Variants in SCN1A observed in about 807,000 individuals in gnomAD.
The protein encoded by SCN1A is sodium channel protein type 1 subunit alpha.
A neutral mutation model predicts 193.7 loss-of-function variants in SCN1A; 13 were observed. The observed-to-expected ratio is 0.07, with a 90% CI of 0.04 to 0.11. The LOEUF (loss-of-function observed/expected upper bound fraction) is 0.11, where lower values mean the gene tolerates loss of function less well. SCN1A is among the 10% of genes least tolerant of loss of function. The probability of loss-of-function intolerance (pLI) is 1.00; values close to 1 mark genes in which losing one functional copy is unlikely to be tolerated. For missense variants in SCN1A, 1,432 were observed against 2,451.1 expected (o/e 0.58, Z 8.78); for synonymous variants, 781 against 843.6 (o/e 0.93, Z 1.29).
At chr2:166,067,700 C>CT (rs5836079) in intron 4 of SCN1A, among the ~76,000 whole-genome samples, 5,541 of 128,282 alleles carry the variant, frequency 0.043, 395 homozygotes, top group African/African-American at 0.14. Flanking sequence ...GAGTACATAG[C>CT]TTTTTTTTTT....
chr2:166,049,135 GC>G (rs1698233335), intron 9 of SCN1A, among the ~76,000 whole-genome samples, 186 bp from the exon 10 acceptor site: 2 of 86,900 alleles, frequency 2.3e-5, no homozygotes, highest in Non-Finnish European at 6.5e-5. Context: ...ACTTTACAGT[GC>G]AAAGTATTTC....
chr2:166,044,761 A>G (rs760050818), intron 13 of SCN1A, among the ~76,000 whole-genome samples: 10 of 152,182 alleles, frequency 6.6e-5, no homozygotes, highest in Non-Finnish European at 1.5e-4. Flanking sequence ...CAAAAAGATT[A>G]AATGTCATTA....
Position 166,042,373 on chromosome 2 carries a change from C to T in SCN1A, c.2095G>A (p.Val699Ile), listed in dbSNP as rs1260934774. Reference protein sequence around the residue: ...MRKRRSSSFHVSMDFLEDPSQ... With the variant: ...MRKRRSSSFHISMDFLEDPSQ... ...GGATCTTCTAGAAAGTCCATGGAAA[C>T]GTGGAAAGAACTTGACCTTCTCTTT... The change falls in exon 15 of 29, where the codon GTT becomes ATT. Residue 699 changes from valine to isoleucine, a missense_variant. Val to Ile is a conservative substitution (Grantham distance 29). Around this residue, in one of 18 missense-constraint regions of SCN1A, gnomAD observed 316 missense variants for 362.1 expected, o/e 0.87. Transcript: ENST00000674923. 9 of 1,613,702 alleles carry T rather than the reference C, an allele frequency of 5.6e-6. No homozygotes were observed. The highest frequency in any genetic ancestry group is 5.5e-5 in the South Asian group (5 of 91,072).
At chr2:166,123,684 T>G (rs1476984250) in intron 2 of SCN1A, 1 of 152,168 alleles carries the variant, frequency 6.6e-6, no homozygotes, top group Non-Finnish European at 1.5e-5. Context: ...TCTCAAAACT[T>G]TTTTTTGTGA....
In SCN1A at chr2:166,144,938, G is replaced by A. The variant is rs1306616909; in HGVS notation, c.-50+4109C>T. Among the ~76,000 whole-genome samples, 6 of 150,062 alleles carry A rather than the reference G, an allele frequency of 4.0e-5. No individual in the cohort carries two copies. The East Asian group carries it at 6.0e-4, about 15-fold the overall frequency. On this transcript the variant is annotated intron_variant, in intron 1 of 26. Transcript: ENST00000635750. ...GTGATCTCGGCTCGCTGCAACCTCC[G>A]CCTCCCGGGTTCAAGCGATTCTCCT...
chr2:166,036,851 G>A (rs1464971259), intron 18 of SCN1A, among the ~76,000 whole-genome samples: 2 of 152,142 alleles, frequency 1.3e-5, no homozygotes, highest in African/African-American at 4.8e-5. Context: ...TGTACAATAC[G>A]AGAATTCTTA....
chr2:166,106,047 C>T (rs530860080), intron 2 of SCN1A, among the ~76,000 whole-genome samples: 7 of 152,142 alleles, frequency 4.6e-5, no homozygotes, highest in South Asian at 2.1e-4. Context: ...ATGAGCCGGG[C>T]TGGGTGGCAA....
rs1254351660 is a variant in SCN1A at position 166,009,812 on chromosome 2, G to A, written c.3909C>T (p.Ala1303=). Residue 1303 remains alanine, a synonymous_variant, in exon 23 of 29, where the codon GCC becomes GCT. Coordinates refer to ENST00000674923, the MANE Select transcript of SCN1A (RefSeq NM_001165963.4). ...DVSLVSLTAN[A]LGYSELGAIK... ...TGGCTCCAAGTTCTGAGTAACCCAA[G>A]GCATTTGCTGTTAAACTGACCAATG... 1.9e-6 allele frequency: 3 copies of A among 1,606,974 alleles called. No individual in the cohort carries two copies. In the East Asian group the frequency reaches 6.7e-5, roughly 36 times the overall value.
chr2:166,055,325 A>T (rs544073856), intron 6 of SCN1A, among the ~76,000 whole-genome samples: 104 of 152,078 alleles, frequency 6.8e-4, no homozygotes, highest in African/African-American at 2.0e-3. Flanking sequence ...TCAGAAACTT[A>T]GGTGTTTCCA....
chr2:166,138,281 C>T (rs1452978797), intron 1 of SCN1A, among the ~76,000 whole-genome samples: 1 of 152,102 alleles, frequency 6.6e-6, no homozygotes, highest in African/African-American at 2.4e-5. Flanking sequence ...AATGTTAATC[C>T]CCAAGACAAT....
intron 19 of SCN1A, among the ~76,000 whole-genome samples, chr2:166,017,242 A>G (rs1693427353): frequency 6.6e-6 from 1 of 151,924 alleles, no homozygotes; most frequent in Non-Finnish European, 1.5e-5. Context: ...TGATTGTTCA[A>G]CATGATAGAC....
At chr2:166,068,767 AAG>A (rs72340117) in intron 4 of SCN1A, among the ~76,000 whole-genome samples, 33,192 of 152,026 alleles carry the variant, frequency 0.22, 3,790 homozygotes, top group East Asian at 0.36. Context: ...AGTTGATAGC[AAG>A]AGAGAATAAG....
chr2:166,044,184 T>C (rs1697518624), intron 13 of SCN1A, 135 bp from the exon 14 acceptor site: 6 of 1,051,694 alleles, frequency 5.7e-6, no homozygotes, highest in South Asian at 1.5e-5. Flanking sequence ...TGATTATCAT[T>C]CTCATTTTAT....
In SCN1A at chr2:166,085,572, C is replaced by T. The variant is rs145310885; in HGVS notation, c.-141-7771G>A. Among the ~76,000 whole-genome samples the T allele has an allele frequency of 1.6e-3, 249 of 152,204 alleles. 1 individual carries two copies. Among genetic ancestry groups the T allele is most frequent in the African/African-American group, 5.8e-3 (239 of 41,534 alleles). ...ATGGAGAGATACAGCATAGAACCCA[C>T]GGGCAGCGGGGCTGAAGCAGAGAAA... is the stretch of plus-strand genomic sequence containing the variant. On this transcript the variant is annotated intron_variant, in intron 2 of 28. Coordinates refer to ENST00000674923, the MANE Select transcript of SCN1A (RefSeq NM_001165963.4).
chr2:166,128,776 AAGAG>A (rs1193814084), upstream of SCN1A, among the ~76,000 whole-genome samples: 1 of 152,198 alleles, frequency 6.6e-6, no homozygotes, highest in Admixed American at 6.5e-5. Context: ...TATATATAGA[AAGAG>A]AGTCCAATTG....
At chr2:166,025,598 A>G (rs1694655861) in intron 19 of SCN1A, among the ~76,000 whole-genome samples, 1 of 152,126 alleles carries the variant, frequency 6.6e-6, no homozygotes, top group Non-Finnish European at 1.5e-5. Flanking sequence ...ACACTCATGG[A>G]GTGGGGATTA....
chr2:165,997,085 T>C (rs1690181227), intron 26 of SCN1A, among the ~76,000 whole-genome samples: 1 of 151,330 alleles, frequency 6.6e-6, no homozygotes, highest in Non-Finnish European at 1.5e-5. Context: ...GTTATATTAC[T>C]CTAGGGGAGT....
chr2:165,985,084 A>G (rs1452305729), downstream of SCN1A: 1 of 152,134 alleles, frequency 6.6e-6, no homozygotes, highest in Non-Finnish European at 1.5e-5. Flanking sequence ...AGGGTTGAGC[A>G]AAGTTATTTT....
intron 4 of SCN1A, among the ~76,000 whole-genome samples, chr2:166,065,792 T>C (rs536246328): frequency 7.2e-5 from 11 of 152,242 alleles, no homozygotes; most frequent in African/African-American, 2.4e-4. Flanking sequence ...TGACAATAGG[T>C]ACCTGCCAGT....
Sources: allele counts gnomAD v4.1 joint callset (sites outside exome capture counted in the v4.1 genomes callset), GRCh38; gene constraint gnomAD v4.1.1; regional missense constraint gnomAD v4.1.1; transcripts MANE v1.5; gene names NCBI Gene and HGNC (gene_info 2026-07-23, HGNC 2026-07-21).